ABCB1: variants seen among roughly 807,000 people sequenced by gnomAD.
The protein encoded by ABCB1 is ATP-dependent translocase ABCB1.
ABCB1 carries 69 observed loss-of-function variants against 142.0 expected under a neutral mutation model. The ratio of observed to expected loss-of-function variants is 0.49; its 90% CI spans 0.40 to 0.59. ABCB1 has a LOEUF of 0.59. ABCB1 is among the 20% of genes least tolerant of loss of function. The pLI, the probability that ABCB1 is intolerant of heterozygous loss-of-function variation, is 0.00. For synonymous variants in ABCB1, 532 were observed against 539.2 expected (o/e 0.99, Z 0.18); for missense variants, 1,326 against 1,554.7 (o/e 0.85, Z 2.47).
rs758746096 is a variant in ABCB1 at position 87,600,236 on chromosome 7, C to T, written c.-6-46G>A. The T allele has an allele frequency of 3.2e-6, 5 of 1,548,220 alleles. No homozygotes were observed. The Admixed American group carries it at 5.1e-5, about 16-fold the overall frequency. ...ATTAGCCAAATGCATGAGCCTCAGG[C>T]GCGCTGGAGGTGAGACTAACCTCTA... On this transcript the variant is annotated intron_variant, in intron 1 of 27. Coordinates refer to ENST00000622132, the MANE Select transcript of ABCB1 (RefSeq NM_001348946.2).
At chr7:87,660,281 T>C (rs939414183) in intron 1 of ABCB1, among the ~76,000 whole-genome samples, 2 of 152,132 alleles carry the variant, frequency 1.3e-5, no homozygotes, top group African/African-American at 4.8e-5. Flanking sequence ...TAATTCACTT[T>C]ATGCTTTCAA....
At chr7:87,637,334 T>C (rs1468296920) in intron 1 of ABCB1, among the ~76,000 whole-genome samples, 1 of 152,222 alleles carries the variant, frequency 6.6e-6, no homozygotes, top group African/African-American at 2.4e-5. Context: ...TAACTTTATA[T>C]TATGTCTTGA....
chr7:87,505,096 T>G (rs1164576860), intron 27 of ABCB1, among the ~76,000 whole-genome samples: 1 of 152,110 alleles, frequency 6.6e-6, no homozygotes, highest in African/African-American at 2.4e-5. Flanking sequence ...TCTGAGTAGC[T>G]GGGACTACAA....
intron 2 of ABCB1, 111 bp downstream of exon 2, chr7:87,600,006 T>C: frequency 8.8e-7 from 1 of 1,140,198 alleles, no homozygotes; most frequent in Non-Finnish European, 1.3e-6. Context: ...TTGCGTTTCT[T>C]AAAAATAATT....
chr7:87,698,110 CT>C lies in ABCB1; in HGVS notation c.-331+15050del, dbSNP rs201105691. On this transcript the variant is annotated intron_variant, in intron 1 of 28. Coordinates refer to the ABCB1 transcript ENST00000265724. ...TTATTTTATTTTTAATTTTTTATTG[CT>C]TTTTTTGAGACGAAGTCTCACTCTG... 3.0e-4 allele frequency among the ~76,000 whole-genome samples: 45 copies of C among 152,120 alleles called. No individual in the cohort carries two copies. In the East Asian group the frequency reaches 7.9e-3, roughly 27 times the overall value.
At chr7:87,660,738 T>A (rs745461430) in intron 1 of ABCB1, among the ~76,000 whole-genome samples, 1 of 152,162 alleles carries the variant, frequency 6.6e-6, no homozygotes, top group South Asian at 2.1e-4. Context: ...CTGCTTTGGC[T>A]AAATTTATGT....
intron 25 of ABCB1, among the ~76,000 whole-genome samples, chr7:87,510,841 T>C (rs762814176): frequency 4.6e-5 from 7 of 151,956 alleles, no homozygotes; most frequent in Non-Finnish European, 1.0e-4. Context: ...TGTTAATAAA[T>C]GAAGGTGGAA....
intron 1 of ABCB1, among the ~76,000 whole-genome samples, chr7:87,648,707 C>T (rs535991721): frequency 6.6e-5 from 10 of 151,764 alleles, no homozygotes; most frequent in East Asian, 1.9e-4. Context: ...TTTTATTTCC[C>T]GATATAACTG....
At chr7:87,565,883 C>T (rs1482696960) in intron 7 of ABCB1, among the ~76,000 whole-genome samples, 187 bp downstream of exon 7, 2 of 152,110 alleles carry the variant, frequency 1.3e-5, no homozygotes, top group East Asian at 1.9e-4. Flanking sequence ...CCAAGAACAG[C>T]ATGGAGTCTT....
intron 8 of ABCB1, among the ~76,000 whole-genome samples, chr7:87,560,324 T>C (rs987155221): frequency 6.6e-6 from 1 of 152,212 alleles, no homozygotes; most frequent in African/African-American, 2.4e-5. Flanking sequence ...CATATATTTA[T>C]ATGTGTGAAT....
chr7:87,636,032 A>G (rs150020323), intron 1 of ABCB1, among the ~76,000 whole-genome samples: 2 of 152,286 alleles, frequency 1.3e-5, no homozygotes, highest in Non-Finnish European at 2.9e-5. Context: ...TTTGACTACT[A>G]CTAACTAAAT....
rs150027785 is a variant in ABCB1, at chr7:87,548,132, GAGGGA to G, written c.1725+1211_1725+1215del. 1.4e-3 allele frequency among the ~76,000 whole-genome samples: 124 copies of G among 86,258 alleles called. 1 individual carries two copies. The highest frequency in any genetic ancestry group is 2.0e-3 in the South Asian group (4 of 2,010). 56.6% of individuals were successfully genotyped at this position (86,258 alleles called of 152,430 possible). On this transcript the variant is annotated intron_variant, in intron 14 of 27. Coordinates refer to ENST00000622132, the MANE Select transcript of ABCB1 (RefSeq NM_001348946.2). ...GAGGGGATGGGAGGGGAGGGAAGGG[GAGGGA>G]AGGGAAGGGGAGGGAAGGGAAGGGG...
chr7:87,596,675 C>T (rs1819224619), intron 2 of ABCB1, among the ~76,000 whole-genome samples: 1 of 152,032 alleles, frequency 6.6e-6, no homozygotes, highest in Non-Finnish European at 1.5e-5. Context: ...TTTTTAAGTT[C>T]ATAAGGTAAA....
At chr7:87,618,627 A>G (rs1425135751) in intron 1 of ABCB1, among the ~76,000 whole-genome samples, 1 of 152,136 alleles carries the variant, frequency 6.6e-6, no homozygotes, top group Non-Finnish European at 1.5e-5. Context: ...GGTCCTTATG[A>G]TCTTGGCTCC....
chr7:87,703,915 T>TTTTTTTTTTG (rs1829351477), intron 1 of ABCB1, among the ~76,000 whole-genome samples: 3 of 18,530 alleles, frequency 1.6e-4, no homozygotes, highest in South Asian at 4.3e-3. Context: ...TTTTTTTTGG[T>TTTTTTTTTTG]TTTTTTTTTT....
At chr7:87,661,348 G>A (rs913888506) in intron 1 of ABCB1, among the ~76,000 whole-genome samples, 3 of 151,436 alleles carry the variant, frequency 2.0e-5, no homozygotes, top group Non-Finnish European at 2.9e-5. Context: ...TCAAATACTA[G>A]ATCTTATTAG....
At chr7:87,567,075 A>G (rs1817815114) in intron 5 of ABCB1, 99 bp from the exon 6 acceptor site, 2 of 1,103,644 alleles carry the variant, frequency 1.8e-6, no homozygotes, top group Non-Finnish European at 2.7e-6. Flanking sequence ...TTATCTGGGT[A>G]TCTCGCCATC....
rs760896605 is a variant in ABCB1 at position 87,702,098 on chromosome 7, G to C, written c.-331+11063C>G. Among the ~76,000 whole-genome samples, 5 of 123,164 alleles carry C rather than the reference G, an allele frequency of 4.1e-5. No homozygotes were observed. In the East Asian group the frequency reaches 9.9e-4, roughly 24 times the overall value. 80.8% of individuals were successfully genotyped at this position (123,164 alleles called of 152,430 possible). A position where few individuals can be genotyped will look rare whatever the true frequency, so the allele number is the denominator to read the frequency against. Reference sequence around the variant, plus strand: ...GCGGAGCTTGCAGTGAGCAGAGATCGCGCCACTGCACTCCAGCCTGGGCAA... The same window carrying C: ...GCGGAGCTTGCAGTGAGCAGAGATCCCGCCACTGCACTCCAGCCTGGGCAA... On this transcript the variant is annotated intron_variant, in intron 1 of 28. Coordinates refer to the ABCB1 transcript ENST00000265724.
intron 1 of ABCB1, among the ~76,000 whole-genome samples, chr7:87,659,628 G>A (rs1037691405): frequency 2.6e-5 from 4 of 152,184 alleles, no homozygotes; most frequent in African/African-American, 9.6e-5. Context: ...CAAGTTTGTT[G>A]TTCCTGTATT....
Sources: allele counts gnomAD v4.1 joint callset (sites outside exome capture counted in the v4.1 genomes callset), GRCh38; gene constraint gnomAD v4.1.1; transcripts MANE v1.5; gene names NCBI Gene and HGNC (gene_info 2026-07-23, HGNC 2026-07-21).